PCDHGA7: variants seen among roughly 807,000 people sequenced by gnomAD.
PCDHGA7 encodes the protein protocadherin gamma subfamily A, 7, also known as protocadherin gamma-A7.
A neutral mutation model predicts 58.3 loss-of-function variants in PCDHGA7; 44 were observed. The observed-to-expected ratio is 0.75, with a 90% CI of 0.59 to 0.97. The LOEUF is 0.97. Among genes scored for constraint, PCDHGA7 ranks in the 50% least tolerant of loss-of-function variants. The pLI is 0.00. For missense variants in PCDHGA7, 1,266 were observed against 1,188.7 expected, an observed-to-expected ratio of 1.06 and a Z score of -0.96; for synonymous variants, 516 against 504.2, an observed-to-expected ratio of 1.02 and a Z score of -0.31.
intron 1 of PCDHGA7, chr5:141,414,308 T>C: frequency 6.2e-7 from 1 of 1,613,764 alleles, no homozygotes; most frequent in Non-Finnish European, 8.5e-7. Context: ...GTGCATGATT[T>C]AGACTCTGAG....
At chr5:141,413,631 G>A in intron 1 of PCDHGA7, 4 of 1,613,750 alleles carry the variant, frequency 2.5e-6, no homozygotes, top group Admixed American at 1.7e-5. Context: ...ATGTCGCTGC[G>A]GGAATGCGTT....
rs1284989963 is a variant in PCDHGA7 at position 141,419,134 on chromosome 5, A to T, written c.2424+33811A>T. On this transcript the variant is annotated intron_variant, in intron 1 of 3. Transcript: ENST00000518325. ...AGTACAACGTCACCATCGCAGCCAC[A>T]GACAGGGGCAAGCCTCCGTTATCCT... is the stretch of plus-strand genomic sequence containing the variant. 2.5e-6 allele frequency: 4 copies of T among 1,613,826 alleles called. No individual in the cohort carries two copies. In the African/African-American group the frequency reaches 5.3e-5, roughly 22 times the overall value.
intron 1 of PCDHGA7, chr5:141,389,664 G>A (rs1182835621): frequency 5.0e-6 from 8 of 1,612,210 alleles, no homozygotes; most frequent in Admixed American, 1.7e-5. Context: ...GGCGGTGGAC[G>A]CAGACTCAGG....
chr5:141,441,627 G>C (rs1239011684), intron 1 of PCDHGA7: 1 of 223,512 alleles, frequency 4.5e-6, no homozygotes, highest in Non-Finnish European at 9.0e-6. Context: ...CAGTGACCTG[G>C]AGCCACAGGC....
At position 141,487,339 on chromosome 5, in the gene PCDHGA7, A is replaced by T; in HGVS notation, c.2425-7468A>T. On this transcript the variant is annotated intron_variant, in intron 1 of 3. Coordinates refer to ENST00000518325, the MANE Select transcript of PCDHGA7 (RefSeq NM_018920.4). The surrounding 1 kb of genome is among the most constrained non-coding windows in gnomAD (Gnocchi z 5.0). ...AGTGTCTTCGTGGGGCAGCCTGTGG[A>T]GTCACATGCTTTCCTGCTGGCACCT... The T allele has an allele frequency of 1.9e-6, 3 of 1,614,096 alleles. No individual in the cohort carries two copies. Among genetic ancestry groups the T allele is most frequent in the Non-Finnish European group, 2.5e-6 (3 of 1,180,000 alleles).
intron 1 of PCDHGA7, chr5:141,433,049 C>A (rs1418118305): frequency 6.2e-7 from 1 of 1,614,110 alleles, no homozygotes; most frequent in Admixed American, 1.7e-5. Flanking sequence ...CACGGACTCG[C>A]GGAAGAGTCA....
chr5:141,410,019 A>C, intron 1 of PCDHGA7: 2 of 1,613,204 alleles, frequency 1.2e-6, no homozygotes, highest in African/African-American at 2.7e-5. Context: ...TGGCTGTCCT[A>C]CCACGTGCTG....
intron 1 of PCDHGA7, among the ~76,000 whole-genome samples, chr5:141,386,342 A>C (rs1000567568): frequency 2.0e-5 from 3 of 152,226 alleles, no homozygotes; most frequent in Non-Finnish European, 2.9e-5. Context: ...GGGGTGGATG[A>C]CAAGGTAATC....
rs760709557 is a variant in PCDHGA7, at chr5:141,384,156, C to T, written c.1257C>T (p.Asn419=). The T allele has an allele frequency of 1.6e-5, 26 of 1,613,342 alleles. No homozygotes were observed. The Admixed American group carries it at 4.2e-4, about 26-fold the overall frequency. ...ACCGGGAAACACTCTCTTTGTATAA[C>T]ATCACACTGAAAGCCACAGATGGTG... The part of the protein sequence containing the change: ...NLDRETLSLY[N]ITLKATDGGT... Residue 419 remains asparagine (N), a synonymous_variant, in exon 1 of 4, where the codon AAC becomes AAT. Transcript: ENST00000518325.
chr5:141,414,184 G>C (rs1228749194), intron 1 of PCDHGA7: 3 of 1,609,416 alleles, frequency 1.9e-6, no homozygotes, highest in Non-Finnish European at 2.5e-6. Flanking sequence ...AACTGCAAAA[G>C]TGTTGATTAC....
At chr5:141,492,312 C>G (rs1470136040) in intron 1 of PCDHGA7, among the ~76,000 whole-genome samples, 3 of 152,230 alleles carry the variant, frequency 2.0e-5, no homozygotes, top group Non-Finnish European at 4.4e-5. Context: ...CGCACGCACT[C>G]CTCGCACGTG....
intron 1 of PCDHGA7, chr5:141,404,821 A>C: frequency 6.2e-7 from 1 of 1,613,788 alleles, no homozygotes; most frequent in Non-Finnish European, 8.5e-7. Flanking sequence ...GGCTGCACAC[A>C]GGTGAAGTGC....
chr5:141,511,237 T>C lies in PCDHGA7; in HGVS notation c.*64T>C, dbSNP rs886816274. 1.9e-6 allele frequency: 3 copies of C among 1,590,378 alleles called. No homozygotes were observed. The South Asian group carries it at 3.4e-5, about 18-fold the overall frequency. ...CCAACCAGCCCAGCTTCTCCTTACC[T>C]GCACCCAGGCCTCAGAGTTTCAGGG... On this transcript the variant is annotated 3_prime_UTR_variant, in exon 4 of 4. Coordinates refer to ENST00000518325, the MANE Select transcript of PCDHGA7 (RefSeq NM_018920.4).
At chr5:141,449,264 C>CTG (rs2098633558) in intron 1 of PCDHGA7, among the ~76,000 whole-genome samples, 1 of 152,056 alleles carries the variant, frequency 6.6e-6, no homozygotes, top group African/African-American at 2.4e-5. Context: ...GTACAAAGAA[C>CTG]TGTATCTCCT....
rs535739297 is a variant in PCDHGA7, at chr5:141,399,960, G to A, written c.2424+14637G>A. ...ACGTGCTGCAGGCTAGCGAGCCCGG[G>A]CTCTTCAGCCTGGGGCTGCGCACAG... On this transcript the variant is annotated intron_variant, in intron 1 of 3. Transcript: ENST00000518325. 8.1e-6 allele frequency: 13 copies of A among 1,612,214 alleles called. No homozygotes were observed. The African/African-American group carries it at 1.6e-4, about 20-fold the overall frequency.
chr5:141,505,402 T>G lies in PCDHGA7; in HGVS notation c.2493T>G (p.Asn831Lys), dbSNP rs1216666169. 1.9e-6 allele frequency: 3 copies of G among 1,614,014 alleles called. No homozygotes were observed. Among genetic ancestry groups the G allele is most frequent in the Non-Finnish European group, 2.5e-6 (3 of 1,180,034 alleles). Residue 831 changes from asparagine (N) to lysine (K), a missense_variant, in exon 3 of 4, where the codon AAT (asparagine) becomes AAG (lysine). Coordinates refer to ENST00000518325, the MANE Select transcript of PCDHGA7 (RefSeq NM_018920.4). The part of the protein sequence containing the change: ...AQRPGTSGSQ[N>K]GDDTGTWPNN... ...CCTACTCTCTCCCCAGCTCCCAAAA[T>G]GGCGATGACACCGGCACCTGGCCCA...
chr5:141,492,908 A>G (rs1595151443), intron 1 of PCDHGA7, among the ~76,000 whole-genome samples: 2 of 152,302 alleles, frequency 1.3e-5, no homozygotes, highest in African/African-American at 4.8e-5. Context: ...TCGTGATCAC[A>G]ATGTGCCCAG....
intron 1 of PCDHGA7, chr5:141,422,451 C>A: frequency 6.2e-7 from 1 of 1,611,518 alleles, no homozygotes; most frequent in East Asian, 2.2e-5. Context: ...TGATAACAAG[C>A]AGAGTGCTGG....
chr5:141,465,968 A>G (rs2099113507), intron 1 of PCDHGA7, among the ~76,000 whole-genome samples: 3 of 151,940 alleles, frequency 2.0e-5, no homozygotes, highest in Admixed American at 6.6e-5. Flanking sequence ...TAAAAATACA[A>G]AAAATTAGCC....
Sources: allele counts gnomAD v4.1 joint callset (sites outside exome capture counted in the v4.1 genomes callset), GRCh38; gene constraint gnomAD v4.1.1; non-coding constraint Gnocchi (gnomAD v3.1); transcripts MANE v1.5; gene names NCBI Gene and HGNC (gene_info 2026-07-23, HGNC 2026-07-21).